R3HDM2: variants seen among roughly 807,000 people sequenced by gnomAD.
R3HDM2 encodes R3H domain containing 2.
A neutral mutation model predicts 124.5 loss-of-function variants in R3HDM2; 38 were observed. That is an observed-to-expected ratio of 0.31 (90% CI 0.24 to 0.40). The LOEUF (loss-of-function observed/expected upper bound fraction) is 0.40. Among genes scored for constraint, R3HDM2 ranks in the 10% least tolerant of loss-of-function variants. The pLI is 1.00. For synonymous variants in R3HDM2, 391 were observed against 448.0 expected (o/e 0.87, Z 1.61); for missense variants, 869 against 1,236.9 (o/e 0.70, Z 4.46).
chr12:57,288,603 A>G (rs1414393309), intron 12 of R3HDM2, among the ~76,000 whole-genome samples: 1 of 152,098 alleles, frequency 6.6e-6, no homozygotes, highest in Non-Finnish European at 1.5e-5. Flanking sequence ...AGCTGTACCT[A>G]TCCCAGACAC....
intron 2 of R3HDM2, among the ~76,000 whole-genome samples, chr12:57,393,446 C>T (rs2138754178): frequency 6.6e-6 from 1 of 152,228 alleles, no homozygotes; most frequent in Non-Finnish European, 1.5e-5. Context: ...AGCCACTATA[C>T]TCCAGCCTGG....
At chr12:57,352,148 A>T (rs771344670) in intron 2 of R3HDM2, among the ~76,000 whole-genome samples, 1 of 149,208 alleles carries the variant, frequency 6.7e-6, no homozygotes, top group Non-Finnish European at 1.5e-5. Flanking sequence ...AGGCTGAGGC[A>T]GGAGAATCAC....
intron 8 of R3HDM2, 115 bp downstream of exon 8, chr12:57,297,213 T>A (rs2050082650): frequency 1.6e-6 from 1 of 608,954 alleles, no homozygotes; most frequent in Non-Finnish European, 2.9e-6. Context: ...ACTTAAAAAC[T>A]TCAGTATGTT....
At chr12:57,353,798 C>G (rs1399416863) in intron 2 of R3HDM2, among the ~76,000 whole-genome samples, 1 of 152,098 alleles carries the variant, frequency 6.6e-6, no homozygotes, top group Admixed American at 6.6e-5. Context: ...ATTCATTTCT[C>G]TTGCATAAAG....
intron 20 of R3HDM2, 113 bp downstream of exon 20, chr12:57,258,777 A>T: frequency 9.6e-7 from 1 of 1,044,708 alleles, no homozygotes; most frequent in Non-Finnish European, 1.3e-6. Flanking sequence ...TTCTCCCCAG[A>T]AAGTACCCAG....
In R3HDM2 at chr12:57,256,053, C is replaced by T; in HGVS notation, c.2569G>A (p.Gly857Arg). 1 of 1,614,092 alleles carries T rather than the reference C, an allele frequency of 6.2e-7. No individual in the cohort carries two copies. The highest frequency in any genetic ancestry group is 8.5e-7 in the Non-Finnish European group (1 of 1,179,998). ...AGTGCTTGTCTCTTGCCCCGGTTTC[C>T]ATGCTTCAGTCCACTCTGTCCCTTC... The part of the protein sequence containing the change: ...VHQGQSGLKH[G>R]NRGKRQALKS... The change falls in exon 23 of 24, where the codon GGA (glycine) becomes AGA (arginine). Residue 857 changes from glycine (G) to arginine (R), a missense_variant. Gly to Arg is a moderately radical substitution (Grantham distance 125, BLOSUM62 -2). Transcript: ENST00000402412.
At chr12:57,340,188 C>G (rs754346652) in intron 2 of R3HDM2, among the ~76,000 whole-genome samples, 6 of 152,096 alleles carry the variant, frequency 3.9e-5, no homozygotes, top group Non-Finnish European at 7.4e-5. Flanking sequence ...ACCAAGTAAA[C>G]AAAACCGTCA....
chr12:57,360,238 G>A (rs148420857), intron 2 of R3HDM2, among the ~76,000 whole-genome samples: 1,696 of 151,354 alleles, frequency 0.011, 28 homozygotes, highest in African/African-American at 0.039. Flanking sequence ...ATGTTGGCTA[G>A]GCTGGTCTCG....
At chr12:57,304,729 G>A (rs2052166447) in intron 3 of R3HDM2, among the ~76,000 whole-genome samples, 1 of 152,192 alleles carries the variant, frequency 6.6e-6, no homozygotes, top group South Asian at 2.1e-4. Flanking sequence ...AAGGCATAAT[G>A]GGGATATATA....
intron 1 of R3HDM2, among the ~76,000 whole-genome samples, chr12:57,412,286 A>G (rs2069075602): frequency 2.1e-5 from 3 of 142,766 alleles, no homozygotes; most frequent in African/African-American, 7.5e-5. Flanking sequence ...TCATGCCTGT[A>G]ATCCCAGCAC....
chr12:57,414,558 C>T lies in R3HDM2; in HGVS notation c.-106+16162G>A, dbSNP rs185908441. Among the ~76,000 whole-genome samples, 12 of 145,398 alleles carry T rather than the reference C, an allele frequency of 8.3e-5. No individual in the cohort carries two copies. The East Asian group carries it at 2.1e-3, about 25-fold the overall frequency. ...TTAAGAATGAGAAGCAGGCCGGGTG[C>T]GGTGTCTCACGCCTATAATCCCAGC... On this transcript the variant is annotated intron_variant, in intron 1 of 23. Transcript: ENST00000402412.
At chr12:57,340,065 A>C (rs1191123986) in intron 2 of R3HDM2, among the ~76,000 whole-genome samples, 1 of 152,240 alleles carries the variant, frequency 6.6e-6, no homozygotes, top group African/African-American at 2.4e-5. Flanking sequence ...AGATTTCAAA[A>C]GAAGGCACTC....
chr12:57,275,599 T>A (rs2044514109), intron 14 of R3HDM2, among the ~76,000 whole-genome samples: 1 of 149,748 alleles, frequency 6.7e-6, no homozygotes, highest in Non-Finnish European at 1.5e-5. Context: ...ATATCCAGAA[T>A]CTACGACGAA....
intron 2 of R3HDM2, among the ~76,000 whole-genome samples, chr12:57,322,412 C>T (rs1156287020): frequency 6.6e-6 from 1 of 152,144 alleles, no homozygotes; most frequent in African/African-American, 2.4e-5. Flanking sequence ...CAAGCCTTTT[C>T]TTCCATTCTT....
At chr12:57,377,499 TCCACCAATCA>T (rs951548222) in intron 2 of R3HDM2, among the ~76,000 whole-genome samples, 13 of 152,030 alleles carry the variant, frequency 8.6e-5, no homozygotes, top group African/African-American at 3.1e-4. Context: ...CCCCTTTCCT[TCCACCAATCA>T]CCTAGTAATC....
intron 2 of R3HDM2, among the ~76,000 whole-genome samples, chr12:57,321,344 C>T (rs115649230): frequency 0.01 from 1,535 of 152,290 alleles, 18 homozygotes; most frequent in African/African-American, 0.036. Flanking sequence ...ACTGTACATA[C>T]TGAGACACAC....
intron 1 of R3HDM2, among the ~76,000 whole-genome samples, chr12:57,404,017 A>G (rs903629299): frequency 2.6e-5 from 4 of 151,288 alleles, no homozygotes; most frequent in African/African-American, 9.7e-5. Flanking sequence ...GGCAGCACAT[A>G]TACTAAAAAA....
chr12:57,305,021 T>TA (rs1038638458), intron 3 of R3HDM2, among the ~76,000 whole-genome samples: 13 of 152,106 alleles, frequency 8.5e-5, no homozygotes, highest in Admixed American at 5.2e-4. Flanking sequence ...CTGTCTCTAC[T>TA]AAAAAATACC....
intron 2 of R3HDM2, among the ~76,000 whole-genome samples, chr12:57,394,239 G>A (rs1220292952): frequency 6.6e-6 from 1 of 151,982 alleles, no homozygotes; most frequent in Non-Finnish European, 1.5e-5. Context: ...AGAGGTTAAA[G>A]TGAGCCGAGA....
Sources: gnomAD v4.1 joint callset for allele counts (sites outside exome capture counted in the v4.1 genomes callset) on GRCh38, gnomAD v4.1.1 for gene constraint, MANE v1.5 for transcripts, NCBI Gene and HGNC (gene_info 2026-07-23, HGNC 2026-07-21) for gene names.